The following RCC1L variants were observed in gnomAD, a reference collection of about 807,000 sequenced individuals.
The protein encoded by RCC1L is RCC1-like G exchanging factor-like protein.
A neutral mutation model predicts 58.6 loss-of-function variants in RCC1L; 46 were observed. That is an observed-to-expected ratio of 0.79 (90% CI 0.62 to 1.00). The LOEUF (loss-of-function observed/expected upper bound fraction) is 1.00, where lower values mean the gene tolerates loss of function less well. Ranked by LOEUF, RCC1L falls within the 50% of genes least tolerant of loss-of-function variation. The probability of loss-of-function intolerance (pLI) is 0.00; values close to 1 mark genes in which losing one functional copy is unlikely to be tolerated. For missense variants in RCC1L, 636 were observed against 623.6 expected (o/e 1.02, Z -0.21); for synonymous variants, 281 against 262.9 (o/e 1.07, Z -0.67).
rs782753840 is a variant in RCC1L at position 75,073,733 on chromosome 7, G to T, written c.5C>A (p.Ala2Glu). The change falls in exon 1 of 11, where the codon GCG (alanine) becomes GAG (glutamate). Residue 2 changes from alanine to glutamate, a missense_variant. By Grantham distance (107) the Ala-to-Glu change is moderately radical. Coordinates refer to ENST00000610322, the MANE Select transcript of RCC1L (RefSeq NM_030798.5). ...AGCCCCAGCCACCAACGCCACCAGC[G>T]CCATCCTCCGTTCCGCGCCTCAGCA... MALVALVAGARL... is the reference protein window; with the variant it reads MELVALVAGARL... 5 of 1,502,896 alleles carry T rather than the reference G, an allele frequency of 3.3e-6. No individual in the cohort carries two copies. The highest frequency in any genetic ancestry group is 4.4e-6 in the Non-Finnish European group (5 of 1,132,760). 93.1% of individuals were successfully genotyped at this position (1,502,896 alleles called of 1,614,324 possible). A position where few individuals can be genotyped will look rare whatever the true frequency, so the allele number is the denominator to read the frequency against.
intron 10 of RCC1L, 104 bp downstream of exon 10, chr7:75,052,607 C>T: frequency 9.3e-7 from 1 of 1,077,912 alleles, no homozygotes; most frequent in Non-Finnish European, 1.4e-6. Flanking sequence ...GGGAGCAGGT[C>T]CCATGGCCCT....
chr7:75,057,923 G>A (rs1389122758), intron 7 of RCC1L: 15 of 376,458 alleles, frequency 4.0e-5, no homozygotes, highest in South Asian at 1.1e-4. Flanking sequence ...TCTGGGAGGC[G>A]GAGGCAGGTG....
intron 2 of RCC1L, among the ~76,000 whole-genome samples, chr7:75,069,989 C>T (rs1204709279): frequency 6.6e-6 from 1 of 152,212 alleles, no homozygotes; most frequent in African/African-American, 2.4e-5. Flanking sequence ...AATAAAGCCT[C>T]CATGTTAACG....
At chr7:75,050,064 T>C (rs1805857439) in intron 10 of RCC1L, among the ~76,000 whole-genome samples, 2 of 152,074 alleles carry the variant, frequency 1.3e-5, no homozygotes, top group African/African-American at 4.8e-5. Flanking sequence ...TGGCGCCAAA[T>C]GCCGCCGTCA....
At chr7:75,049,696 C>T (rs587712162) in intron 10 of RCC1L, among the ~76,000 whole-genome samples, 7 of 151,002 alleles carry the variant, frequency 4.6e-5, no homozygotes, top group African/African-American at 1.2e-4. Flanking sequence ...CTGGGCAACA[C>T]GGCAAGACCC....
At chr7:75,041,765 G>A (rs1386756234), downstream of RCC1L, among the ~76,000 whole-genome samples, 1 of 151,102 alleles carries the variant, frequency 6.6e-6, no homozygotes, top group African/African-American at 2.4e-5. Context: ...TCGGGAGGCT[G>A]AGGCAGGAGA....
chr7:75,038,634 A>T (rs1805480788), downstream of RCC1L, among the ~76,000 whole-genome samples: 2 of 151,754 alleles, frequency 1.3e-5, no homozygotes, highest in African/African-American at 4.8e-5. Flanking sequence ...GGAGGAAGTC[A>T]GACCAGGCAG....
chr7:75,055,532 G>A (rs1408840187), intron 9 of RCC1L: 1 of 340,290 alleles, frequency 2.9e-6, no homozygotes, highest in Non-Finnish European at 5.7e-6. Context: ...ATGGGATTAA[G>A]CCCCACACAT....
At position 75,063,310 on chromosome 7, in the gene RCC1L, G is replaced by C; in HGVS notation, c.684C>G (p.Phe228Leu). 6.2e-7 allele frequency: 1 copy of C among 1,613,758 alleles called. No individual in the cohort carries two copies. The highest frequency in any genetic ancestry group is 8.5e-7 in the Non-Finnish European group (1 of 1,179,840). The change falls in exon 5 of 11, where the codon TTC (phenylalanine) becomes TTG (leucine). Residue 228 changes from phenylalanine (F) to leucine (L), a missense_variant. Coordinates refer to ENST00000610322, the MANE Select transcript of RCC1L (RefSeq NM_030798.5). ...ESHRVHRMQD[F>L]DGQVVQVACG... ...CTCTTACCTGGACCACCTGGCCATC[G>C]AAGTCCTGCATCCTGTGGACTCTGT...
At chr7:75,046,081 C>A (rs992588965) in intron 10 of RCC1L, among the ~76,000 whole-genome samples, 3 of 152,242 alleles carry the variant, frequency 2.0e-5, no homozygotes, top group Non-Finnish European at 2.9e-5. Flanking sequence ...GACCCCGGAG[C>A]TTTGCACCTA....
intron 10 of RCC1L, among the ~76,000 whole-genome samples, chr7:75,047,819 G>T (rs1584491311): frequency 6.6e-6 from 1 of 150,448 alleles, no homozygotes; most frequent in East Asian, 2.0e-4. Flanking sequence ...GCTAATTTTT[G>T]TATTTTTAGT....
At chr7:75,070,366 T>A (rs1347264638) in intron 2 of RCC1L, among the ~76,000 whole-genome samples, 1 of 151,976 alleles carries the variant, frequency 6.6e-6, no homozygotes, top group Non-Finnish European at 1.5e-5. Flanking sequence ...AGCTCAGGAG[T>A]TCGAGACCAG....
chr7:75,072,591 T>A (rs941258455), intron 1 of RCC1L, among the ~76,000 whole-genome samples: 1 of 152,154 alleles, frequency 6.6e-6, no homozygotes. Context: ...GTGTTTTAAC[T>A]ACACTCTCAT....
chr7:75,041,052 T>A (rs1302290090), downstream of RCC1L, among the ~76,000 whole-genome samples: 2 of 152,016 alleles, frequency 1.3e-5, no homozygotes, highest in Non-Finnish European at 2.9e-5. Context: ...ACCCCATCTC[T>A]ACTAAAAATA....
In RCC1L at chr7:75,055,976, C is replaced by G. The variant is rs375990356; in HGVS notation, c.1156G>C (p.Gly386Arg). 31 of 1,613,804 alleles carry G rather than the reference C, an allele frequency of 1.9e-5. No homozygotes were observed. The highest frequency in any genetic ancestry group is 2.5e-5 in the Non-Finnish European group (30 of 1,179,870). ...VPEMIPPTLF[G>R]LTEFNPEIQV... Reference sequence around the variant, plus strand: ...ATTTCTGGGTTGAACTCCGTCAAGCCAAAGAGAGTGGGTGGAATCATTTCA... The same window carrying G: ...ATTTCTGGGTTGAACTCCGTCAAGCGAAAGAGAGTGGGTGGAATCATTTCA... The change falls in exon 9 of 11, where the codon GGC (glycine) becomes CGC (arginine). Residue 386 changes from glycine to arginine, a missense_variant. Physicochemically the swap from Gly to Arg is moderately radical, Grantham distance 125. Coordinates refer to ENST00000610322, the MANE Select transcript of RCC1L (RefSeq NM_030798.5).
intron 4 of RCC1L, 105 bp from the exon 5 acceptor site, chr7:75,063,448 C>A (rs1806344024): frequency 1.7e-6 from 2 of 1,175,996 alleles, no homozygotes; most frequent in Non-Finnish European, 2.6e-6. Context: ...CCTCCGCTCA[C>A]ACAGTAACTG....
rs587774407 is a variant in RCC1L, at chr7:75,042,353, C to T, written c.*679G>A. The T allele has an allele frequency of 6.9e-5, 68 of 985,642 alleles. No homozygotes were observed. The highest frequency in any genetic ancestry group is 7.8e-5 in the Non-Finnish European group (65 of 830,076). The allele number at this position is 985,642 out of a possible 1,614,324, so 61.1% of individuals were successfully genotyped here. A position where few individuals can be genotyped will look rare whatever the true frequency, so the allele number is the denominator to read the frequency against. ...CCTTGGCGGATATGCTCGGGGCCCTCGGCGCAGAGGAACTTGGCCTCGATT... is the reference window on the plus strand; with the variant it reads ...CCTTGGCGGATATGCTCGGGGCCCTTGGCGCAGAGGAACTTGGCCTCGATT... On this transcript the variant is annotated 3_prime_UTR_variant, in exon 11 of 11. Coordinates refer to ENST00000610322, the MANE Select transcript of RCC1L (RefSeq NM_030798.5).
At chr7:75,059,418 G>A (rs908821047) in intron 6 of RCC1L, among the ~76,000 whole-genome samples, 8 of 151,464 alleles carry the variant, frequency 5.3e-5, no homozygotes, top group East Asian at 4.0e-4. Context: ...TTACAGGCAC[G>A]CACCACCACA....
chr7:75,064,976 G>A (rs1432331596), intron 3 of RCC1L, among the ~76,000 whole-genome samples: 1 of 152,038 alleles, frequency 6.6e-6, no homozygotes, highest in Non-Finnish European at 1.5e-5. Context: ...CAGCGCCTCT[G>A]CCCTGTCTGG....
Sources: allele counts gnomAD v4.1 joint callset (sites outside exome capture counted in the v4.1 genomes callset), GRCh38; gene constraint gnomAD v4.1.1; transcripts MANE v1.5; gene names NCBI Gene and HGNC (gene_info 2026-07-23, HGNC 2026-07-21).